Variants in RBM48 observed in about 807,000 individuals in gnomAD.
RBM48 encodes the protein RNA binding motif protein 48.
In RBM48, 32 loss-of-function variants were observed where a neutral mutation model predicts 34.8. That is an observed-to-expected ratio of 0.92 (90% CI 0.69 to 1.23). The LOEUF (loss-of-function observed/expected upper bound fraction) is 1.23, where lower values mean the gene tolerates loss of function less well. RBM48 is among the 50% of genes most tolerant of loss of function. The pLI is 0.00. For synonymous variants in RBM48, 151 were observed against 156.2 expected (o/e 0.97, Z 0.25); for missense variants, 441 against 447.2 (o/e 0.99, Z 0.12).
chr7:92,530,275 C>T (rs1005172947), intron 2 of RBM48, among the ~76,000 whole-genome samples: 4 of 151,538 alleles, frequency 2.6e-5, no homozygotes, highest in Non-Finnish European at 4.4e-5. Context: ...AGGCAGATCA[C>T]TTGAGGTCAG....
intron 4 of RBM48, chr7:92,536,478 T>G: frequency 1.0e-6 from 1 of 988,322 alleles, no homozygotes; most frequent in Non-Finnish European, 1.2e-6. Context: ...TCCAAAGGTT[T>G]TCATCCCCCC....
chr7:92,535,614 G>T, intron 4 of RBM48: 1 of 985,278 alleles, frequency 1.0e-6, no homozygotes, highest in Non-Finnish European at 1.2e-6. Context: ...GTGGGGTAGG[G>T]ACTACTGTTA....
intron 4 of RBM48, chr7:92,535,197 A>T: frequency 7.1e-7 from 1 of 1,404,652 alleles, no homozygotes; most frequent in Non-Finnish European, 9.2e-7. Context: ...ATCACTGTAG[A>T]TACAAAATAT....
rs988141044 is a variant in RBM48 at position 92,534,920 on chromosome 7, G to A, written c.967G>A (p.Asp323Asn). 14 of 1,614,014 alleles carry A rather than the reference G, an allele frequency of 8.7e-6. No individual in the cohort carries two copies. The African/African-American group carries it at 1.2e-4, about 14-fold the overall frequency. ...AGACATCTCTAAAGTGGATATGCAC[G>A]ATGACTCATTGAATACAACGGCGAA... is the stretch of plus-strand genomic sequence containing the variant. The part of the protein sequence containing the change: ...LPDISKVDMH[D>N]DSLNTTANLI... Residue 323 changes from aspartate to asparagine, a missense_variant, in exon 4 of 5, where the codon GAT (aspartate) becomes AAT (asparagine). Asp to Asn is a conservative substitution (Grantham distance 23). Coordinates refer to ENST00000265732, the MANE Select transcript of RBM48 (RefSeq NM_032120.4).
rs150346858 is a variant in RBM48 at position 92,539,953 on chromosome 7, T to C, written c.*3016T>C. Among the ~76,000 whole-genome samples the C allele has an allele frequency of 1.3e-3, 202 of 152,342 alleles. 2 individuals are homozygous for C. Among genetic ancestry groups the C allele is most frequent in the African/African-American group, 4.6e-3 (191 of 41,582 alleles). ...TTGTGGTGTACTTGCTGAAACTCTA[T>C]TCAGTGTTCTATCCCTTAAGCAAGC... On this transcript the variant is annotated 3_prime_UTR_variant, in exon 5 of 5. Transcript: ENST00000265732.
chr7:92,535,874 C>T, intron 4 of RBM48: 1 of 944,078 alleles, frequency 1.1e-6, no homozygotes, highest in Non-Finnish European at 1.3e-6. Flanking sequence ...GTGCCTCACA[C>T]CAATAACTTC....
rs1244116389 is a variant in RBM48, at chr7:92,539,198, G to C, written c.*2261G>C. On this transcript the variant is annotated 3_prime_UTR_variant, in exon 5 of 5. Transcript: ENST00000265732. The stretch of plus-strand genomic sequence containing the variant: ...CTGTTCCATCCTAAGCAGTTACTCT[G>C]ATCTAGTCCATTATGCTATATACTG... Among the ~76,000 whole-genome samples, 2 of 152,160 alleles carry C rather than the reference G, an allele frequency of 1.3e-5. No homozygotes were observed. The highest frequency in any genetic ancestry group is 2.4e-5 in the African/African-American group (1 of 41,430).
Position 92,534,934 on chromosome 7 carries a change from T to G in RBM48, c.981T>G (p.Asn327Lys). The G allele has an allele frequency of 6.2e-7, 1 of 1,614,224 alleles. No homozygotes were observed. The highest frequency in any genetic ancestry group is 8.5e-7 in the Non-Finnish European group (1 of 1,180,032). Residue 327 changes from asparagine (N) to lysine (K), a missense_variant, in exon 4 of 5, where the codon AAT becomes AAG. Asn to Lys is a moderately conservative substitution (Grantham distance 94). Transcript: ENST00000265732. Reference protein sequence around the residue: ...SKVDMHDDSLNTTANLIRHKL... With the variant: ...SKVDMHDDSLKTTANLIRHKL... ...TGGATATGCACGATGACTCATTGAA[T>G]ACAACGGCGAATTTAATTCGGCATA...
chr7:92,538,807 A>G lies in RBM48; in HGVS notation c.*1870A>G, dbSNP rs1476605310. On this transcript the variant is annotated 3_prime_UTR_variant, in exon 5 of 5. Coordinates refer to ENST00000265732, the MANE Select transcript of RBM48 (RefSeq NM_032120.4). The stretch of plus-strand genomic sequence containing the variant: ...ATAGAATTTCAGTTTTGGAAGATGA[A>G]AAGAGTTCTAGAGATCTGTTGCATG... Among the ~76,000 whole-genome samples, 2 of 151,950 alleles carry G rather than the reference A, an allele frequency of 1.3e-5. No individual in the cohort carries two copies. Among genetic ancestry groups the G allele is most frequent in the Admixed American group, 6.5e-5 (1 of 15,268 alleles).
intron 2 of RBM48, among the ~76,000 whole-genome samples, chr7:92,530,494 C>CA (rs112647482): frequency 2.3e-3 from 271 of 116,934 alleles, no homozygotes; most frequent in Non-Finnish European, 2.3e-3. Flanking sequence ...GGCTCTGTCT[C>CA]AAAAAAAAAA....
Position 92,529,085 on chromosome 7 carries a change from CACG to C in RBM48, c.111+165_111+167del. The stretch of plus-strand genomic sequence containing the variant: ...CCCTCGGTCAGTTACCAAAGATTCT[CACG>C]ACGCCTTTGGTCAAGTATTAGAACA... On this transcript the variant is annotated intron_variant, in intron 1 of 4. Coordinates refer to ENST00000265732, the MANE Select transcript of RBM48 (RefSeq NM_032120.4). 9.1e-6 allele frequency: 6 copies of C among 662,876 alleles called. No individual in the cohort carries two copies. In the South Asian group the frequency reaches 9.9e-5, roughly 11 times the overall value. The allele number at this position is 662,876 out of a possible 1,614,324, so 41.1% of individuals were successfully genotyped here. A position where few individuals can be genotyped will look rare whatever the true frequency, so the allele number is the denominator to read the frequency against.
intron 2 of RBM48, 78 bp downstream of exon 2, chr7:92,529,744 C>T (rs1276396814): frequency 2.2e-6 from 2 of 915,850 alleles, no homozygotes; most frequent in African/African-American, 3.4e-5. Flanking sequence ...CCAAGTTTCC[C>T]TCATTCATAA....
intron 4 of RBM48, chr7:92,536,082 A>G: frequency 1.2e-6 from 1 of 804,600 alleles, no homozygotes; most frequent in Non-Finnish European, 1.5e-6. Context: ...GTGAGCCAAG[A>G]TCATGCCACT....
Position 92,537,962 on chromosome 7 carries a change from CCTGGCCATTTTCTTTA to C in RBM48, c.*1029_*1044del, listed in dbSNP as rs1793764793. The stretch of plus-strand genomic sequence containing the variant: ...AGGATTATGGGTGTGACCCACTGTG[CCTGGCCATTTTCTTTA>C]CTGATAAAAATAACTTGAGAAGGTC... On this transcript the variant is annotated 3_prime_UTR_variant, in exon 5 of 5. Coordinates refer to ENST00000265732, the MANE Select transcript of RBM48 (RefSeq NM_032120.4). 1.3e-5 allele frequency: 2 copies of C among 152,206 alleles called. No individual in the cohort carries two copies. Among genetic ancestry groups the C allele is most frequent in the South Asian group, 4.1e-4 (2 of 4,838 alleles). 9.4% of individuals were successfully genotyped at this position (152,206 alleles called of 1,614,324 possible).
intron 2 of RBM48, among the ~76,000 whole-genome samples, chr7:92,531,941 A>C (rs963811650): frequency 2.0e-5 from 3 of 152,136 alleles, no homozygotes; most frequent in African/African-American, 7.2e-5. Flanking sequence ...CATTCTTCTC[A>C]TTTTCTCATT....
chr7:92,534,329 A>G (rs766870427), intron 3 of RBM48, 73 bp from the exon 4 acceptor site: 27 of 1,481,702 alleles, frequency 1.8e-5, no homozygotes, highest in Non-Finnish European at 1.9e-5. Flanking sequence ...TTTAAATTAT[A>G]TGATTCTGAA....
In RBM48 at chr7:92,529,639, T is replaced by C. The variant is rs757902934; in HGVS notation, c.275T>C (p.Ile92Thr). ...PAEDFTEVYLIKFMNLQSART... is the reference protein window; with the variant it reads ...PAEDFTEVYLTKFMNLQSART... ...GAAGACTTTACTGAAGTTTATCTTA[T>C]TAAATTTATGAACTTACAAAGTGCA... The change falls in exon 2 of 5, where the codon ATT (isoleucine) becomes ACT (threonine). Residue 92 changes from isoleucine to threonine, a missense_variant. Coordinates refer to ENST00000265732, the MANE Select transcript of RBM48 (RefSeq NM_032120.4). The C allele has an allele frequency of 5.0e-6, 8 of 1,599,396 alleles. No individual in the cohort carries two copies. In the Admixed American group the frequency reaches 8.7e-5, roughly 17 times the overall value.
In RBM48 at chr7:92,539,070, CTA is replaced by C. The variant is rs1793796629; in HGVS notation, c.*2134_*2135del. Among the ~76,000 whole-genome samples, 1 of 152,174 alleles carries C rather than the reference CTA, an allele frequency of 6.6e-6. No homozygotes were observed. Among genetic ancestry groups the C allele is most frequent in the African/African-American group, 2.4e-5 (1 of 41,434 alleles). Reference sequence around the variant, plus strand: ...GAGATTCTGCATTTTTCCCAAGTCCCTAGGTGCTGCCAGTGCTGCTGGTGCAC... The same window carrying C: ...GAGATTCTGCATTTTTCCCAAGTCCCGGTGCTGCCAGTGCTGCTGGTGCAC... On this transcript the variant is annotated 3_prime_UTR_variant, in exon 5 of 5. Transcript: ENST00000265732.
chr7:92,528,810 C>T lies in RBM48; in HGVS notation c.-4C>T, dbSNP rs374483069. The T allele has an allele frequency of 5.0e-6, 8 of 1,612,670 alleles. No individual in the cohort carries two copies. Among genetic ancestry groups the T allele is most frequent in the East Asian group, 2.2e-5 (1 of 44,884 alleles). On this transcript the variant is annotated 5_prime_UTR_variant, in exon 1 of 5. Transcript: ENST00000265732. The stretch of plus-strand genomic sequence containing the variant: ...TCCTCCCTGCGAGGATCAAAGTAGG[C>T]AAGATGGCGTCGAGCGGCGGGGAGC...
Sources: gnomAD v4.1 joint callset for allele counts (sites outside exome capture counted in the v4.1 genomes callset) on GRCh38, gnomAD v4.1.1 for gene constraint, MANE v1.5 for transcripts, NCBI Gene and HGNC (gene_info 2026-07-23, HGNC 2026-07-21) for gene names.